DST: variants seen among roughly 807,000 people sequenced by gnomAD.
The protein encoded by DST is dystonin.
A neutral mutation model predicts 875.2 loss-of-function variants in DST; 253 were observed. The observed-to-expected ratio is 0.29, with a 90% confidence interval of 0.26 to 0.32. The LOEUF is 0.32. Among genes scored for constraint, DST ranks in the 10% least tolerant of loss-of-function variants. The pLI, the probability that DST is intolerant of heterozygous loss-of-function variation, is 1.00. For synonymous variants in DST, 3,124 were observed against 3,197.1 expected, an observed-to-expected ratio of 0.98 and a Z score of 0.77; for missense variants, 8,287 against 9,111.6, an observed-to-expected ratio of 0.91 and a Z score of 3.68.
At chr6:56,619,400 A>C in intron 36 of DST, 1 of 1,613,324 alleles carries the variant, frequency 6.2e-7, no homozygotes, top group Non-Finnish European at 8.5e-7. Flanking sequence ...TTCAGCTTTG[A>C]TATTTTGAAG....
At chr6:56,642,641 C>T (rs774978637) in intron 15 of DST, 138 bp from the exon 16 acceptor site, 2 of 1,614,130 alleles carry the variant, frequency 1.2e-6, no homozygotes, top group South Asian at 2.2e-5. Flanking sequence ...TCAAAGGATT[C>T]ACTGCCGAAG....
intron 9 of DST, among the ~76,000 whole-genome samples, chr6:56,687,227 T>C (rs950373623): frequency 3.9e-5 from 6 of 152,244 alleles, no homozygotes; most frequent in African/African-American, 1.4e-4. Context: ...TATATGTTTC[T>C]ATTAAGATAA....
Position 56,780,073 on chromosome 6 carries a change from G to A in DST, c.626-44784C>T, listed in dbSNP as rs539486769. Among the ~76,000 whole-genome samples, 8 of 151,754 alleles carry A rather than the reference G, an allele frequency of 5.3e-5. No individual in the cohort carries two copies. In the South Asian group the frequency reaches 8.4e-4, roughly 16 times the overall value. On this transcript the variant is annotated intron_variant, in intron 4 of 103. Coordinates refer to ENST00000680361, the MANE Select transcript of DST (RefSeq NM_001374736.1). Reference sequence around the variant, plus strand: ...CATGAACTCATCATTTTTTATGGCTGCATAGTATTCCATGGTGCATATGTG... The same window carrying A: ...CATGAACTCATCATTTTTTATGGCTACATAGTATTCCATGGTGCATATGTG...
chr6:56,663,212 C>T (rs978431706), intron 10 of DST, among the ~76,000 whole-genome samples: 6 of 152,174 alleles, frequency 3.9e-5, no homozygotes, highest in African/African-American at 9.7e-5. Context: ...TGGATGCAGA[C>T]GCACTACATT....
chr6:56,951,502 T>C (rs1033167576), intron 2 of DST, among the ~76,000 whole-genome samples: 51 of 152,200 alleles, frequency 3.4e-4, no homozygotes, highest in African/African-American at 1.1e-3. Context: ...TTCAGAGGTA[T>C]TTCTCAAAGA....
chr6:56,699,784 A>G (rs2099285404), intron 8 of DST, 39 bp from the exon 9 acceptor site: 1 of 937,958 alleles, frequency 1.1e-6, no homozygotes, highest in Non-Finnish European at 1.6e-6. Context: ...CCAACTGTTT[A>G]TCAAACCTGA....
intron 23 of DST, among the ~76,000 whole-genome samples, 177 bp from the exon 24 acceptor site, chr6:56,635,891 A>C (rs899416589): frequency 6.6e-6 from 1 of 152,210 alleles, no homozygotes; most frequent in Admixed American, 6.5e-5. Flanking sequence ...CTTGAAGTTG[A>C]ATAGTTATGA....
chr6:56,803,225 C>A (rs1207769512), intron 4 of DST, among the ~76,000 whole-genome samples: 1 of 152,176 alleles, frequency 6.6e-6, no homozygotes, highest in African/African-American at 2.4e-5. Context: ...GCGTACCTAC[C>A]ATTAACTGTA....
intron 61 of DST, 47 bp downstream of exon 61, chr6:56,552,137 A>G: frequency 6.6e-7 from 1 of 1,523,478 alleles, no homozygotes; most frequent in Non-Finnish European, 8.8e-7. Context: ...CAAATTAGAA[A>G]CTTCATTGAC....
intron 16 of DST, 92 bp downstream of exon 16, chr6:56,642,318 G>T: frequency 1.0e-6 from 1 of 1,004,194 alleles, no homozygotes; most frequent in Non-Finnish European, 1.6e-6. Flanking sequence ...GTATTACGAA[G>T]AATCAACCAA....
intron 4 of DST, among the ~76,000 whole-genome samples, chr6:56,835,265 A>ATACAAATG (rs1225056215): frequency 6.6e-6 from 1 of 152,204 alleles, no homozygotes; most frequent in Non-Finnish European, 1.5e-5. Flanking sequence ...ACAATAATAG[A>ATACAAATG]CACATGATAT....
intron 4 of DST, among the ~76,000 whole-genome samples, chr6:56,825,208 T>C (rs1289769645): frequency 1.1e-4 from 16 of 149,356 alleles, no homozygotes; most frequent in Admixed American, 2.7e-4. Flanking sequence ...CCCCCAACCC[T>C]GTGCTCTCTG....
In DST at chr6:56,615,270, T is replaced by A. The variant is rs2098602130; in HGVS notation, c.4930-786A>T. 1.3e-5 allele frequency: 17 copies of A among 1,280,330 alleles called. No homozygotes were observed. In the South Asian group the frequency reaches 2.9e-4, roughly 22 times the overall value. 79.3% of individuals were successfully genotyped at this position (1,280,330 alleles called of 1,614,324 possible). On this transcript the variant is annotated intron_variant, in intron 36 of 103. Transcript: ENST00000680361. ...CATTCTACGTAAAAAAAAAAACATT[T>A]TAGTGTGGCCAAGTTTCAAAAAACC...
At chr6:56,806,672 A>T (rs1290033599) in intron 4 of DST, among the ~76,000 whole-genome samples, 1 of 152,192 alleles carries the variant, frequency 6.6e-6, no homozygotes, top group Non-Finnish European at 1.5e-5. Flanking sequence ...GCAGAGGTGG[A>T]TCCAACAGGC....
At chr6:56,522,196 C>T (rs139186651) in intron 69 of DST, among the ~76,000 whole-genome samples, 4 of 152,224 alleles carry the variant, frequency 2.6e-5, no homozygotes, top group East Asian at 3.9e-4. Flanking sequence ...ACATGCAATA[C>T]CTCCTTTAAT....
At chr6:56,745,946 C>T (rs571354962) in intron 4 of DST, among the ~76,000 whole-genome samples, 50 of 152,104 alleles carry the variant, frequency 3.3e-4, no homozygotes, top group African/African-American at 1.1e-3. Flanking sequence ...CCCAAGCTAC[C>T]GTAATGTGGG....
At chr6:56,720,740 C>T (rs1318440509) in intron 5 of DST, among the ~76,000 whole-genome samples, 1 of 152,128 alleles carries the variant, frequency 6.6e-6, no homozygotes, top group Non-Finnish European at 1.5e-5. Flanking sequence ...ATGGAGGCTC[C>T]TATGTCTACT....
intron 69 of DST, among the ~76,000 whole-genome samples, chr6:56,525,634 T>C (rs2096783930): frequency 6.6e-6 from 1 of 152,212 alleles, no homozygotes; most frequent in Admixed American, 6.5e-5. Flanking sequence ...TGCAATATCA[T>C]ACTACCCCCA....
chr6:56,940,879 T>A (rs1816194658), intron 2 of DST, among the ~76,000 whole-genome samples: 2 of 152,204 alleles, frequency 1.3e-5, no homozygotes, highest in South Asian at 4.2e-4. Context: ...CATGAGCCAC[T>A]GCAACCAGTT....
Sources: allele counts gnomAD v4.1 joint callset (sites outside exome capture counted in the v4.1 genomes callset), GRCh38; gene constraint gnomAD v4.1.1; transcripts MANE v1.5; gene names NCBI Gene and HGNC (gene_info 2026-07-23, HGNC 2026-07-21).